POU2F1: variants seen among roughly 807,000 people sequenced by gnomAD.
POU2F1 encodes the protein POU class 2 homeobox 1.
In POU2F1, 16 loss-of-function variants were observed where a neutral mutation model predicts 84.9. The observed-to-expected ratio is 0.19, with a 90% CI of 0.13 to 0.29. POU2F1 has a LOEUF of 0.29. POU2F1 is among the 10% of genes least tolerant of loss of function. The probability of loss-of-function intolerance (pLI) is 1.00; values close to 1 mark genes in which losing one functional copy is unlikely to be tolerated. For synonymous variants in POU2F1, 368 were observed against 368.3 expected, an observed-to-expected ratio of 1.00 and a Z score of 0.01; for missense variants, 738 against 942.6, an observed-to-expected ratio of 0.78 and a Z score of 2.84.
chr1:167,299,142 A>C (rs1289500119), intron 1 of POU2F1, among the ~76,000 whole-genome samples: 3 of 147,578 alleles, frequency 2.0e-5, no homozygotes. Context: ...CAGCCTGGAC[A>C]ACAAGAGTGA....
At chr1:167,277,681 G>A (rs754352676) in intron 1 of POU2F1, among the ~76,000 whole-genome samples, 3 of 151,914 alleles carry the variant, frequency 2.0e-5, no homozygotes, top group South Asian at 2.1e-4. Flanking sequence ...TTCATTCTAC[G>A]ACCCAGCAAT....
At chr1:167,261,776 C>G (rs1651585948) in intron 1 of POU2F1, among the ~76,000 whole-genome samples, 1 of 152,276 alleles carries the variant, frequency 6.6e-6, no homozygotes, top group Non-Finnish European at 1.5e-5. Context: ...CCTTCGCTTC[C>G]CAGGTTCAAA....
At chr1:167,221,221 G>A (rs1648120327) in intron 1 of POU2F1, among the ~76,000 whole-genome samples, 1 of 151,336 alleles carries the variant, frequency 6.6e-6, no homozygotes, top group African/African-American at 2.4e-5. Context: ...CCACCCCGCC[G>A]CCGCTCGCCG....
At chr1:167,361,671 G>A (rs1157136979) in intron 2 of POU2F1, among the ~76,000 whole-genome samples, 3 of 152,112 alleles carry the variant, frequency 2.0e-5, no homozygotes, top group Admixed American at 1.3e-4. Flanking sequence ...GTATCAAGAT[G>A]ATGCTGCTTT....
chr1:167,269,984 C>T (rs2102464451), intron 1 of POU2F1, among the ~76,000 whole-genome samples: 1 of 150,932 alleles, frequency 6.6e-6, no homozygotes, highest in South Asian at 2.1e-4. Flanking sequence ...TGACGTTGAG[C>T]TAATGGTGGG....
Position 167,279,735 on chromosome 1 carries a change from C to T in POU2F1, c.62-52735C>T, listed in dbSNP as rs578185630. Among the ~76,000 whole-genome samples, 86 of 151,858 alleles carry T rather than the reference C, an allele frequency of 5.7e-4. 1 individual carries two copies. Among genetic ancestry groups the T allele is most frequent in the African/African-American group, 2.1e-3 (86 of 41,400 alleles). Reference sequence around the variant, plus strand: ...TCCATCTCAAAAAAAACCATATGTTCCAGAGGGAATAAATATTGATGGGAG... The same window carrying T: ...TCCATCTCAAAAAAAACCATATGTTTCAGAGGGAATAAATATTGATGGGAG... On this transcript the variant is annotated intron_variant, in intron 1 of 15. Coordinates refer to ENST00000367866, the MANE Select transcript of POU2F1 (RefSeq NM_002697.4).
rs536089114 is a variant in POU2F1, at chr1:167,421,236, G to T, written c.*5426G>T. The T allele has an allele frequency of 1.3e-5, 2 of 152,166 alleles. No homozygotes were observed. Among genetic ancestry groups the T allele is most frequent in the Admixed American group, 6.5e-5 (1 of 15,288 alleles). The allele number at this position is 152,166 out of a possible 1,614,324, so 9.4% of individuals were successfully genotyped here. A position where few individuals can be genotyped will look rare whatever the true frequency, so the allele number is the denominator to read the frequency against. ...CTATTTCTGTAAGAAGAATAACTGA[G>T]ATCAGCTATTATATAGGTTTGCATG... On this transcript the variant is annotated 3_prime_UTR_variant, in exon 16 of 16. Transcript: ENST00000367866.
At chr1:167,407,259 G>A (rs1649647938) in intron 13 of POU2F1, among the ~76,000 whole-genome samples, 1 of 151,950 alleles carries the variant, frequency 6.6e-6, no homozygotes, top group African/African-American at 2.4e-5. Context: ...CGAACTCCTG[G>A]GCTCAAGCAA....
chr1:167,315,845 CTG>C (rs1455323837), intron 1 of POU2F1, among the ~76,000 whole-genome samples: 1 of 150,784 alleles, frequency 6.6e-6, no homozygotes, highest in African/African-American at 2.4e-5. Flanking sequence ...AACAAGCAAA[CTG>C]TGGTACATCC....
At chr1:167,374,573 G>A (rs1224956589) in intron 6 of POU2F1, among the ~76,000 whole-genome samples, 1 of 152,176 alleles carries the variant, frequency 6.6e-6, no homozygotes, top group Non-Finnish European at 1.5e-5. Context: ...TATTTTTGAA[G>A]CAGGGGATTA....
At chr1:167,315,980 G>A (rs1445318536) in intron 1 of POU2F1, among the ~76,000 whole-genome samples, 4 of 152,136 alleles carry the variant, frequency 2.6e-5, no homozygotes, top group African/African-American at 4.8e-5. Context: ...AAATGGTCAC[G>A]TTACTGTATG....
chr1:167,389,545 T>A, intron 8 of POU2F1, 43 bp from the exon 9 acceptor site: 1 of 1,608,098 alleles, frequency 6.2e-7, no homozygotes, highest in Non-Finnish European at 8.5e-7. Context: ...CCTAAATATC[T>A]CTTCACGTGT....
rs545941287 is a variant in POU2F1 at position 167,400,396 on chromosome 1, G to A, written c.1449+1031G>A. 2.0e-5 allele frequency among the ~76,000 whole-genome samples: 3 copies of A among 152,182 alleles called. No individual in the cohort carries two copies. The East Asian group carries it at 5.8e-4, about 29-fold the overall frequency. On this transcript the variant is annotated intron_variant, in intron 12 of 15. Transcript: ENST00000367866. The stretch of plus-strand genomic sequence containing the variant: ...TCATTAGATTACTCTGTAACCATGG[G>A]AGTAAATTTGCTGCTGATCCCAGTT...
rs1557945384 is a variant in POU2F1 at position 167,383,858 on chromosome 1, TCTC to T, written c.723_725del (p.Leu242del). On this transcript the variant is annotated inframe_deletion and splice_region_variant, in exon 8 of 16. Transcript: ENST00000367866. ...GGATAACATGTTTTTCTTCTACAGG[TCTC>T]CTGCAAGCGCAAAATCTTCTAACGC... The T allele has an allele frequency of 6.2e-7, 1 of 1,612,332 alleles. No individual in the cohort carries two copies. Among genetic ancestry groups the T allele is most frequent in the South Asian group, 1.1e-5 (1 of 90,898 alleles).
intron 14 of POU2F1, among the ~76,000 whole-genome samples, chr1:167,412,690 G>A (rs1235168869): frequency 6.6e-6 from 1 of 152,056 alleles, no homozygotes. Flanking sequence ...ATTTTATACT[G>A]TTATTGTCAC....
intron 1 of POU2F1, among the ~76,000 whole-genome samples, chr1:167,243,648 G>C (rs1479577801): frequency 6.6e-6 from 1 of 151,932 alleles, no homozygotes; most frequent in African/African-American, 2.4e-5. Context: ...GCTAATTTTT[G>C]TATTTTTATT....
chr1:167,407,838 G>A (rs1649688909), intron 13 of POU2F1, among the ~76,000 whole-genome samples: 1 of 152,032 alleles, frequency 6.6e-6, no homozygotes, highest in Non-Finnish European at 1.5e-5. Flanking sequence ...TGTGACCTTG[G>A]GTTAAGCACA....
intron 2 of POU2F1, among the ~76,000 whole-genome samples, chr1:167,346,525 A>G (rs1473132762): frequency 6.6e-6 from 1 of 152,024 alleles, no homozygotes; most frequent in Non-Finnish European, 1.5e-5. Flanking sequence ...CGAGTAGGGG[A>G]TGGTTTGGGG....
intron 2 of POU2F1, among the ~76,000 whole-genome samples, chr1:167,340,781 G>A (rs369359080): frequency 5.5e-4 from 84 of 152,216 alleles, no homozygotes; most frequent in African/African-American, 2.0e-3. Context: ...TAACATCAGT[G>A]AAGTTGAATA....
Sources: gnomAD v4.1 joint callset for allele counts (sites outside exome capture counted in the v4.1 genomes callset) on GRCh38, gnomAD v4.1.1 for gene constraint, MANE v1.5 for transcripts, NCBI Gene and HGNC (gene_info 2026-07-23, HGNC 2026-07-21) for gene names.